Variants in ZNF638 observed in about 807,000 individuals in gnomAD.
The protein encoded by ZNF638 is CTCL tumor antigen se33-1.
A neutral mutation model predicts 195.6 loss-of-function variants in ZNF638; 46 were observed. The observed-to-expected ratio is 0.24, with a 90% CI of 0.19 to 0.30. The LOEUF is 0.30. Ranked by LOEUF, ZNF638 falls within the 10% of genes least tolerant of loss-of-function variation. ZNF638 has a pLI of 1.00. For synonymous variants in ZNF638, 845 were observed against 772.0 expected, an observed-to-expected ratio of 1.09 and a Z score of -1.57; for missense variants, 2,440 against 2,325.3, an observed-to-expected ratio of 1.05 and a Z score of -1.01.
chr2:71,385,260 A>G (rs568447885), intron 10 of ZNF638, among the ~76,000 whole-genome samples: 9 of 152,322 alleles, frequency 5.9e-5, no homozygotes, highest in African/African-American at 1.9e-4. Context: ...CATGCTTACC[A>G]TATGACATCA....
intron 10 of ZNF638, chr2:71,388,533 C>G: frequency 1.4e-6 from 1 of 719,412 alleles, no homozygotes; most frequent in South Asian, 1.5e-5. Flanking sequence ...TGCGTTCTCT[C>G]TTCGGCGTCT....
chr2:71,395,004 C>A (rs191952076), intron 10 of ZNF638, among the ~76,000 whole-genome samples: 1 of 152,274 alleles, frequency 6.6e-6, no homozygotes, highest in Admixed American at 6.5e-5. Flanking sequence ...CCAATCAATA[C>A]ATAGTTGGGA....
At chr2:71,398,503 T>G (rs2079941525) in intron 11 of ZNF638, among the ~76,000 whole-genome samples, 198 bp from the exon 12 acceptor site, 1 of 152,168 alleles carries the variant, frequency 6.6e-6, no homozygotes, top group African/African-American at 2.4e-5. Context: ...ATATCTTATT[T>G]CAGTGATTTC....
Position 71,405,592 on chromosome 2 carries a change from G to C in ZNF638, c.2959-9G>C. The C allele has an allele frequency of 6.5e-7, 1 of 1,544,590 alleles. No homozygotes were observed. The highest frequency in any genetic ancestry group is 8.8e-7 in the Non-Finnish European group (1 of 1,136,384). On this transcript the variant is annotated splice_polypyrimidine_tract_variant and intron_variant, in intron 17 of 27. Transcript: ENST00000264447. The stretch of plus-strand genomic sequence containing the variant: ...ATACCATCAACCTTTATCTATTTTT[G>C]CTTTTTAGGAAGCTATATTTATAAC...
At chr2:71,407,045 C>T (rs1293221127) in intron 19 of ZNF638, among the ~76,000 whole-genome samples, 1 of 152,034 alleles carries the variant, frequency 6.6e-6, no homozygotes, top group Non-Finnish European at 1.5e-5. Context: ...GGCCTCTTAA[C>T]CAAAAATTAT....
chr2:71,364,376 C>A, intron 5 of ZNF638, 124 bp downstream of exon 5: 1 of 1,019,944 alleles, frequency 9.8e-7, no homozygotes, highest in Non-Finnish European at 1.4e-6. Context: ...TGAAATCTGA[C>A]CCACATGCCA....
intron 15 of ZNF638, 148 bp from the exon 16 acceptor site, chr2:71,401,808 T>G (rs1573124461): frequency 1.6e-6 from 1 of 619,024 alleles, no homozygotes; most frequent in East Asian, 3.2e-5. Flanking sequence ...CTTTTTAATT[T>G]GAGGTTCAGA....
intron 1 of ZNF638, chr2:71,348,442 T>G (rs1156255774): frequency 8.9e-6 from 9 of 1,015,742 alleles, no homozygotes; most frequent in Non-Finnish European, 1.1e-5. Flanking sequence ...CAGCGTGAAA[T>G]AAATTCCCAG....
intron 21 of ZNF638, among the ~76,000 whole-genome samples, chr2:71,419,668 G>A (rs1191530753): frequency 6.6e-6 from 1 of 152,184 alleles, no homozygotes; most frequent in Non-Finnish European, 1.5e-5. Flanking sequence ...AGTGTGTGAT[G>A]TGAAAGCTCA....
At chr2:71,334,921 CA>C (rs890541697) in intron 1 of ZNF638, among the ~76,000 whole-genome samples, 75 of 106,698 alleles carry the variant, frequency 7.0e-4, no homozygotes, top group Non-Finnish European at 9.8e-4. Context: ...ACTCCGTCTC[CA>C]AAAAAAAAAA....
chr2:71,385,479 G>T (rs2079618247), intron 10 of ZNF638, among the ~76,000 whole-genome samples: 1 of 125,342 alleles, frequency 8.0e-6, no homozygotes, highest in Non-Finnish European at 1.9e-5. Context: ...AGAGAGAACA[G>T]ATTAGTGATA....
chr2:71,341,417 A>T (rs919065399), intron 1 of ZNF638, among the ~76,000 whole-genome samples: 1 of 152,226 alleles, frequency 6.6e-6, no homozygotes, highest in African/African-American at 2.4e-5. Flanking sequence ...TGAAAAGAGC[A>T]AATAGTATAC....
At chr2:71,379,762 T>C (rs941654669) in intron 8 of ZNF638, 1 of 152,382 alleles carries the variant, frequency 6.6e-6, no homozygotes, top group Admixed American at 6.5e-5. Context: ...ATTTAAAATA[T>C]GGAATGCCTA....
chr2:71,348,002 G>A (rs764127545), intron 1 of ZNF638, among the ~76,000 whole-genome samples: 44 of 152,122 alleles, frequency 2.9e-4, no homozygotes, highest in African/African-American at 9.9e-4. Context: ...TTCATAGAAC[G>A]CTGACTGACA....
chr2:71,419,786 T>TC (rs1034518960), intron 21 of ZNF638, among the ~76,000 whole-genome samples: 8 of 152,262 alleles, frequency 5.3e-5, no homozygotes, highest in South Asian at 4.1e-4. Flanking sequence ...TTTACAAAGA[T>TC]TTTTTGAGGT....
intron 11 of ZNF638, among the ~76,000 whole-genome samples, chr2:71,397,972 A>G (rs2079929261): frequency 6.6e-6 from 1 of 152,216 alleles, no homozygotes; most frequent in East Asian, 1.9e-4. Context: ...TTTCTAATCA[A>G]TTAGGAGCCG....
chr2:71,372,188 A>G (rs1170159531), intron 8 of ZNF638, among the ~76,000 whole-genome samples: 1 of 152,088 alleles, frequency 6.6e-6, no homozygotes, highest in African/African-American at 2.4e-5. Flanking sequence ...CACTAGCTCT[A>G]ATCCCAGCCC....
intron 10 of ZNF638, among the ~76,000 whole-genome samples, chr2:71,383,762 C>CTTTTTTTTTTTTTTTTTTTTTTTTTGTTT (rs1181570876): frequency 1.3e-5 from 1 of 76,720 alleles, no homozygotes; most frequent in Non-Finnish European, 2.3e-5. Context: ...TTTTCTTTTT[C>CTTTTTTTTTTTTTTTTTTTTTTTTTGTTT]TTTTTTTTTT....
chr2:71,368,413 C>A lies in ZNF638; in HGVS notation c.2027C>A (p.Ser676Ter). Residue 676 changes from serine (S) to a stop codon, truncating the protein, a stop_gained, in exon 7 of 28, where the codon TCG becomes TAG. Transcript: ENST00000264447. LOFTEE classifies it high-confidence loss of function. The part of the protein sequence containing the change: ...LRKEQSLHYG[S>*]VLLITELPED... ...AAAGAACAGTCATTGCATTATGGTT[C>A]GGTTCTTCTTATAACTGAATTACCA... The A allele has an allele frequency of 6.2e-7, 1 of 1,612,704 alleles. No homozygotes were observed. The highest frequency in any genetic ancestry group is 1.1e-5 in the South Asian group (1 of 90,842).
Sources: allele counts gnomAD v4.1 joint callset (sites outside exome capture counted in the v4.1 genomes callset), GRCh38; gene constraint gnomAD v4.1.1; transcripts MANE v1.5; gene names NCBI Gene and HGNC (gene_info 2026-07-23, HGNC 2026-07-21).